The following TBCD variants were observed in gnomAD, a reference collection of about 807,000 sequenced individuals.
TBCD encodes tubulin-specific chaperone D.
Under a neutral mutation model 169.3 loss-of-function variants are expected in TBCD, and 105 were observed. The ratio of observed to expected loss-of-function variants is 0.62; its 90% CI spans 0.53 to 0.73. TBCD has a LOEUF of 0.73. TBCD is among the 30% of genes least tolerant of loss of function. The pLI is 0.00. For synonymous variants in TBCD, 700 were observed against 643.9 expected, an observed-to-expected ratio of 1.09 and a Z score of -1.32; for missense variants, 1,444 against 1,600.1, an observed-to-expected ratio of 0.90 and a Z score of 1.66.
At chr17:82,792,377 A>ATG (rs2049804218) in intron 7 of TBCD, among the ~76,000 whole-genome samples, 1 of 151,208 alleles carries the variant, frequency 6.6e-6, no homozygotes, top group Non-Finnish European at 1.5e-5. Context: ...ACACACATAT[A>ATG]TGTGTATATA....
Position 82,758,573 on chromosome 17 carries a change from C to T in TBCD, c.235+2358C>T, listed in dbSNP as rs968245899. 8.2e-5 allele frequency among the ~76,000 whole-genome samples: 12 copies of T among 146,706 alleles called. No individual in the cohort carries two copies. The East Asian group carries it at 2.2e-3, about 27-fold the overall frequency. On this transcript the variant is annotated intron_variant, in intron 2 of 38. Transcript: ENST00000355528. Reference sequence around the variant, plus strand: ...CTGAGTTCATTATTTTCTGGAATTCCTTTTTAGAAAAAGGAAAATGTAGTC... The same window carrying T: ...CTGAGTTCATTATTTTCTGGAATTCTTTTTTAGAAAAAGGAAAATGTAGTC...
chr17:82,800,004 G>A (rs1488704724), intron 8 of TBCD, among the ~76,000 whole-genome samples: 1 of 152,186 alleles, frequency 6.6e-6, no homozygotes, highest in Non-Finnish European at 1.5e-5. Context: ...GCAGGGCACT[G>A]CAGCTCCAGC....
At chr17:82,818,699 C>T (rs904262559) in intron 13 of TBCD, among the ~76,000 whole-genome samples, 11 of 152,254 alleles carry the variant, frequency 7.2e-5, no homozygotes, top group African/African-American at 2.7e-4. Flanking sequence ...TCCTCCATGT[C>T]ACACGGCTGA....
In TBCD at chr17:82,925,026, C is replaced by T. The variant is rs2061634670; in HGVS notation, c.2348C>T (p.Pro783Leu). The change falls in exon 27 of 39, where the codon CCA becomes CTA. Residue 783 changes from proline (P) to leucine (L), a missense_variant. By Grantham distance (98) the Pro-to-Leu change is moderately conservative. Coordinates refer to ENST00000355528, the MANE Select transcript of TBCD (RefSeq NM_005993.5). ...CGFSLALGAL[P>L]GFLLKGRLQQ... is the part of the protein sequence containing the mutation. ...TTCTCGTTGGCCTTGGGCGCCCTTC[C>T]AGGCTTCCTTCTGAAAGGCCGGCTC... The T allele has an allele frequency of 2.6e-6, 4 of 1,565,796 alleles. No individual in the cohort carries two copies. Among genetic ancestry groups the T allele is most frequent in the South Asian group, 2.3e-5 (2 of 85,138 alleles).
chr17:82,807,610 C>A lies in TBCD; in HGVS notation c.1090C>A (p.Gln364Lys), dbSNP rs2051068777. The change falls in exon 11 of 39, where the codon CAG (glutamine) becomes AAG (lysine). Residue 364 changes from glutamine to lysine, a missense_variant and splice_region_variant. Coordinates refer to ENST00000355528, the MANE Select transcript of TBCD (RefSeq NM_005993.5). ...VPEGVERVIE[Q>K]LLVGLKDKDT... Reference sequence around the variant, plus strand: ...GCATCACCTTCCTCTTCCTACAGAGCAGCTGCTGGTCGGGCTGAAGGACAA... The same window carrying A: ...GCATCACCTTCCTCTTCCTACAGAGAAGCTGCTGGTCGGGCTGAAGGACAA... 1 of 1,538,936 alleles carries A rather than the reference C, an allele frequency of 6.5e-7. No homozygotes were observed. The highest frequency in any genetic ancestry group is 1.4e-5 in the African/African-American group (1 of 72,550).
rs1344767344 is a variant in TBCD at position 82,805,970 on chromosome 17, A to G, written c.1046A>G (p.Asp349Gly). The G allele has an allele frequency of 1.2e-6, 2 of 1,613,510 alleles. No individual in the cohort carries two copies. The highest frequency in any genetic ancestry group is 2.2e-5 in the East Asian group (1 of 44,878). The change falls in exon 10 of 39, where the codon GAC (aspartate) becomes GGC (glycine). Residue 349 changes from aspartate to glycine, a missense_variant. By Grantham distance (94) the Asp-to-Gly change is moderately conservative (BLOSUM62 -1). Transcript: ENST00000355528. ...CCACTCATCCTGACCGAAGATGACG[A>G]CGAAGATGACGACGTCCCAGAGGGG... The part of the protein sequence containing the change: ...QKPLILTEDD[D>G]EDDDVPEGVE...
At chr17:82,858,635 C>T (rs889031241) in intron 13 of TBCD, 38 of 985,282 alleles carry the variant, frequency 3.9e-5, no homozygotes, top group Non-Finnish European at 4.0e-5. Context: ...AGACACAGGA[C>T]ACTTTTTAGG....
intron 13 of TBCD, among the ~76,000 whole-genome samples, chr17:82,839,640 A>G (rs1009704153): frequency 1.1e-4 from 16 of 152,226 alleles, no homozygotes; most frequent in Non-Finnish European, 2.1e-4. Flanking sequence ...AAGCAATAAT[A>G]TGAATTTGTG....
At position 82,831,382 on chromosome 17, in the gene TBCD, G is replaced by T; in HGVS notation, c.1318+16448G>T. On this transcript the variant is annotated intron_variant, in intron 13 of 38. Coordinates refer to ENST00000355528, the MANE Select transcript of TBCD (RefSeq NM_005993.5). This position sits in a 1 kb window ranked among gnomAD's most constrained non-coding sequence, Gnocchi z 4.6. ...GTTTAACCTGGAAGGACTCGAGGCT[G>T]GATAGACCAGGGTGGCTTCTTCAAG... is the stretch of plus-strand genomic sequence containing the variant. 1 of 1,614,160 alleles carries T rather than the reference G, an allele frequency of 6.2e-7. No individual in the cohort carries two copies. Among genetic ancestry groups the T allele is most frequent in the Non-Finnish European group, 8.5e-7 (1 of 1,180,018 alleles).
intron 13 of TBCD, among the ~76,000 whole-genome samples, chr17:82,820,778 TG>T (rs1356269095): frequency 2.7e-5 from 4 of 148,966 alleles, no homozygotes; most frequent in African/African-American, 9.9e-5. Flanking sequence ...ATACACATGT[TG>T]GTAAGCTTGA....
Position 82,942,704 on chromosome 17 carries a change from A to G in TBCD, c.*241A>G. 1.7e-6 allele frequency: 1 copy of G among 601,562 alleles called. No individual in the cohort carries two copies. The highest frequency in any genetic ancestry group is 3.0e-6 in the Non-Finnish European group (1 of 338,586). 37.3% of individuals were successfully genotyped at this position (601,562 alleles called of 1,614,324 possible). A position where few individuals can be genotyped will look rare whatever the true frequency, so the allele number is the denominator to read the frequency against. On this transcript the variant is annotated 3_prime_UTR_variant, in exon 39 of 39. Transcript: ENST00000355528. Reference sequence around the variant, plus strand: ...CTTCCTATAAAATCATGTACCAAGAAGTTCCTGCCTTTTGTCTCTGAGCCT... The same window carrying G: ...CTTCCTATAAAATCATGTACCAAGAGGTTCCTGCCTTTTGTCTCTGAGCCT...
intron 13 of TBCD, among the ~76,000 whole-genome samples, chr17:82,818,740 G>T (rs1165058550): frequency 6.6e-6 from 1 of 152,224 alleles, no homozygotes; most frequent in Non-Finnish European, 1.5e-5. Context: ...TCTCCTTGGA[G>T]AGTTACTGTG....
intron 20 of TBCD, 94 bp downstream of exon 20, chr17:82,906,147 C>A: frequency 1.0e-6 from 1 of 986,264 alleles, no homozygotes; most frequent in Non-Finnish European, 1.5e-6. Flanking sequence ...CTCTCTCATC[C>A]CTTCTCATTT....
intron 13 of TBCD, among the ~76,000 whole-genome samples, chr17:82,848,100 C>G (rs1050969786): frequency 1.3e-5 from 2 of 152,136 alleles, no homozygotes; most frequent in Non-Finnish European, 2.9e-5. Context: ...GGATGGTGCT[C>G]TGTGGCAGGG....
intron 7 of TBCD, among the ~76,000 whole-genome samples, chr17:82,796,965 A>C (rs1011820849): frequency 6.6e-6 from 1 of 152,230 alleles, no homozygotes; most frequent in Non-Finnish European, 1.5e-5. Context: ...TGTGCGGTGC[A>C]GATAGTCTGA....
Position 82,831,665 on chromosome 17 carries a change from T to A in TBCD, c.1318+16731T>A. The A allele has an allele frequency of 2.5e-6, 4 of 1,614,000 alleles. No homozygotes were observed. The highest frequency in any genetic ancestry group is 3.4e-6 in the Non-Finnish European group (4 of 1,180,004). On this transcript the variant is annotated intron_variant, in intron 13 of 38. Transcript: ENST00000355528. This position sits in a 1 kb window ranked among gnomAD's most constrained non-coding sequence, Gnocchi z 4.6. ...AGGGGTGCGTCACACTCAGGCGAGC[T>A]CCCAGCCAGCAGGTAAGGCGAGTAG...
At chr17:82,867,994 C>T (rs1040389225) in intron 13 of TBCD, among the ~76,000 whole-genome samples, 28 of 152,222 alleles carry the variant, frequency 1.8e-4, no homozygotes, top group African/African-American at 6.5e-4. Flanking sequence ...AGAGAGGGAA[C>T]GCAGAGCTGC....
intron 20 of TBCD, among the ~76,000 whole-genome samples, chr17:82,907,247 C>T (rs1481255959): frequency 2.0e-5 from 3 of 152,214 alleles, no homozygotes; most frequent in Non-Finnish European, 4.4e-5. Flanking sequence ...AGGGACCTTC[C>T]CTTGGATGTC....
In TBCD at chr17:82,789,606, C is replaced by T. The variant is rs778013206; in HGVS notation, c.771+7885C>T. 5.3e-4 allele frequency among the ~76,000 whole-genome samples: 81 copies of T among 152,192 alleles called. No individual in the cohort carries two copies. The highest frequency in any genetic ancestry group is 1.1e-3 in the Non-Finnish European group (74 of 68,018). On this transcript the variant is annotated intron_variant, in intron 7 of 38. Transcript: ENST00000355528. This position sits in a 1 kb window ranked among gnomAD's most constrained non-coding sequence, Gnocchi z 4.8. The stretch of plus-strand genomic sequence containing the variant: ...GGTGCCCCTGCCCTCTCCCCTGCCC[C>T]GCCCTCACCTGGCTCACAGACCCGT...
Sources: gnomAD v4.1 joint callset for allele counts (sites outside exome capture counted in the v4.1 genomes callset) on GRCh38, gnomAD v4.1.1 for gene constraint, Gnocchi (gnomAD v3.1) non-coding constraint, MANE v1.5 for transcripts, NCBI Gene and HGNC (gene_info 2026-07-23, HGNC 2026-07-21) for gene names.